Variants in ANXA4 observed in about 807,000 individuals in gnomAD.
ANXA4 encodes 35-beta calcimedin.
ANXA4 carries 39 observed loss-of-function variants against 49.8 expected under a neutral mutation model. The ratio of observed to expected loss-of-function variants is 0.78; its 90% CI spans 0.61 to 1.02. The LOEUF is 1.02. ANXA4 is among the 50% of genes least tolerant of loss of function. ANXA4 has a pLI of 0.00. For missense variants in ANXA4, 360 were observed against 410.1 expected (o/e 0.88, Z 1.05); for synonymous variants, 134 against 152.5 (o/e 0.88, Z 0.89).
chr2:69,810,514 G>C, intron 6 of ANXA4, 80 bp from the exon 7 acceptor site: 1 of 1,194,958 alleles, frequency 8.4e-7, no homozygotes, highest in South Asian at 1.2e-5. Flanking sequence ...TGGTCTTGAG[G>C]GGACAGATTG....
At chr2:69,806,075 G>A (rs1673431050) in intron 4 of ANXA4, among the ~76,000 whole-genome samples, 2 of 152,172 alleles carry the variant, frequency 1.3e-5, no homozygotes, top group Non-Finnish European at 2.9e-5. Context: ...TATGATATGT[G>A]GTTTTGGTTG....
intron 2 of ANXA4, among the ~76,000 whole-genome samples, chr2:69,676,818 G>A (rs1035422527): frequency 1.3e-5 from 2 of 152,092 alleles, no homozygotes; most frequent in Non-Finnish European, 2.9e-5. Context: ...GCTTGAACCC[G>A]GGAGGTGGAG....
chr2:69,697,481 G>A (rs936455131), intron 2 of ANXA4, among the ~76,000 whole-genome samples: 3 of 152,178 alleles, frequency 2.0e-5, no homozygotes, highest in African/African-American at 7.2e-5. Flanking sequence ...TATCATACTT[G>A]TGTTCACTGG....
chr2:69,697,180 T>C (rs1429278021), intron 2 of ANXA4, among the ~76,000 whole-genome samples: 1 of 152,356 alleles, frequency 6.6e-6, no homozygotes, highest in Non-Finnish European at 1.5e-5. Context: ...ATCTATGATC[T>C]TAGCTAGATC....
chr2:69,695,830 A>G (rs1056617956), intron 2 of ANXA4, among the ~76,000 whole-genome samples: 3 of 152,230 alleles, frequency 2.0e-5, no homozygotes, highest in South Asian at 2.1e-4. Flanking sequence ...TTATGTTTAT[A>G]CTATACTGCA....
At chr2:69,683,569 C>T (rs924375497) in intron 2 of ANXA4, among the ~76,000 whole-genome samples, 9 of 152,124 alleles carry the variant, frequency 5.9e-5, no homozygotes, top group Non-Finnish European at 2.9e-5. Context: ...GAACGATATG[C>T]GCTGTCTTCT....
At chr2:69,682,453 C>T (rs909543289) in intron 2 of ANXA4, among the ~76,000 whole-genome samples, 3 of 151,930 alleles carry the variant, frequency 2.0e-5, no homozygotes, top group Admixed American at 2.0e-4. Flanking sequence ...AATAAAGATA[C>T]CCTTTTACAT....
chr2:69,664,348 T>TG (rs1479188507), intron 2 of ANXA4, among the ~76,000 whole-genome samples: 4 of 150,210 alleles, frequency 2.7e-5, no homozygotes, highest in Non-Finnish European at 4.4e-5. Context: ...TGTGTGTGTG[T>TG]TTTTTTAAAT....
chr2:69,785,336 A>C (rs559206626), intron 2 of ANXA4, among the ~76,000 whole-genome samples: 1 of 152,148 alleles, frequency 6.6e-6, no homozygotes, highest in East Asian at 1.9e-4. Flanking sequence ...AAAATCCTCC[A>C]TTCCTTTAGA....
chr2:69,708,929 CTACTA>C (rs1429880450), intron 2 of ANXA4, among the ~76,000 whole-genome samples: 1 of 151,934 alleles, frequency 6.6e-6, no homozygotes, highest in Admixed American at 6.6e-5. Flanking sequence ...AAAAAAACCT[CTACTA>C]TATCTTCTGA....
At position 69,826,015 on chromosome 2, in the gene ANXA4, C is replaced by A. The variant is rs1257416052; in HGVS notation, c.*500C>A. 1 of 152,362 alleles carries A rather than the reference C, an allele frequency of 6.6e-6. No individual in the cohort carries two copies. Among genetic ancestry groups the A allele is most frequent in the Non-Finnish European group, 1.5e-5 (1 of 68,084 alleles). The allele number at this position is 152,362 out of a possible 1,614,324, so 9.4% of individuals were successfully genotyped here. ...CAAAGCCTTGAAAGCATCTACAAAT[C>A]TCTTTTTTTAGGTTTTGTCCATAGC... On this transcript the variant is annotated 3_prime_UTR_variant, in exon 13 of 13. Coordinates refer to ENST00000394295, the MANE Select transcript of ANXA4 (RefSeq NM_001153.5).
Position 69,819,292 on chromosome 2 carries a change from G to T in ANXA4, c.737G>T (p.Arg246Met). The change falls in exon 11 of 13, where the codon AGG (arginine) becomes ATG (methionine). Residue 246 changes from arginine to methionine, a missense_variant. Coordinates refer to ENST00000394295, the MANE Select transcript of ANXA4 (RefSeq NM_001153.5). ...DALLAIVKCMRNKSAYFAEKL... is the reference protein window; with the variant it reads ...DALLAIVKCMMNKSAYFAEKL... ...TTTTCTTTGACAGTAAAGTGCATGA[G>T]GAACAAATCTGCATATTTTGCTGAA... The T allele has an allele frequency of 1.2e-6, 2 of 1,605,936 alleles. No individual in the cohort carries two copies. Among genetic ancestry groups the T allele is most frequent in the African/African-American group, 1.3e-5 (1 of 74,808 alleles).
chr2:69,717,044 G>A (rs1669662997), intron 2 of ANXA4, among the ~76,000 whole-genome samples: 1 of 152,174 alleles, frequency 6.6e-6, no homozygotes, highest in African/African-American at 2.4e-5. Context: ...CAAGGGAAGT[G>A]CAGGGGAGAC....
intron 2 of ANXA4, among the ~76,000 whole-genome samples, chr2:69,711,535 G>A (rs1053221690): frequency 6.6e-6 from 1 of 152,188 alleles, no homozygotes; most frequent in Non-Finnish European, 1.5e-5. Context: ...CTTGGGAGTG[G>A]AGGTAAGAAC....
chr2:69,754,610 A>G (rs1316117477), intron 1 of ANXA4, among the ~76,000 whole-genome samples: 1 of 152,104 alleles, frequency 6.6e-6, no homozygotes, highest in Non-Finnish European at 1.5e-5. Context: ...AGAGTTTAGG[A>G]TTCTGTAGAT....
At chr2:69,769,331 G>C (rs1159523335) in intron 1 of ANXA4, among the ~76,000 whole-genome samples, 2 of 151,964 alleles carry the variant, frequency 1.3e-5, no homozygotes, top group African/African-American at 2.4e-5. Context: ...TACCTCTTAA[G>C]ACAAGATAGA....
intron 2 of ANXA4, among the ~76,000 whole-genome samples, chr2:69,709,226 TA>T (rs60803633): frequency 0.43 from 66,079 of 151,926 alleles, 19,398 homozygotes; most frequent in African/African-American, 0.83. Context: ...TACTTAGAGT[TA>T]AGAAATTAAA....
At chr2:69,768,541 C>T (rs2105548892) in intron 1 of ANXA4, among the ~76,000 whole-genome samples, 1 of 152,238 alleles carries the variant, frequency 6.6e-6, no homozygotes, top group Non-Finnish European at 1.5e-5. Context: ...GGATCATATA[C>T]TGTCATGAAA....
intron 2 of ANXA4, among the ~76,000 whole-genome samples, chr2:69,656,584 G>A (rs1241966596): frequency 2.8e-5 from 3 of 107,756 alleles, no homozygotes; most frequent in African/African-American, 1.1e-4. Flanking sequence ...ATGGAGTCTT[G>A]CTCTATCCCC....
Sources: gnomAD v4.1 joint callset for allele counts (sites outside exome capture counted in the v4.1 genomes callset) on GRCh38, gnomAD v4.1.1 for gene constraint, MANE v1.5 for transcripts, NCBI Gene and HGNC (gene_info 2026-07-23, HGNC 2026-07-21) for gene names.